The following PRELID2 variants were observed in gnomAD, a reference collection of about 807,000 sequenced individuals.
The protein encoded by PRELID2 is PRELI domain containing 2.
A neutral mutation model predicts 28.4 loss-of-function variants in PRELID2; 25 were observed. That is an observed-to-expected ratio of 0.88 (90% CI 0.64 to 1.23). PRELID2 has a LOEUF of 1.23. Ranked by LOEUF, PRELID2 falls within the 50% of genes most tolerant of loss-of-function variation. PRELID2 has a pLI of 0.00. For synonymous variants in PRELID2, 76 were observed against 71.6 expected (o/e 1.06, Z -0.31); for missense variants, 201 against 214.4 (o/e 0.94, Z 0.39).
At chr5:145,297,047 T>C in the PRELID2 span, among the ~76,000 whole-genome samples, 1 of 152,104 alleles carries the variant, frequency 6.6e-6, no homozygotes, top group Non-Finnish European at 1.5e-5. Flanking sequence ...TTGTTTGTTT[T>C]TTCCTTGTAA....
intron 1 of PRELID2, among the ~76,000 whole-genome samples, chr5:145,710,173 C>T (rs1439881160): frequency 1.3e-5 from 2 of 152,092 alleles, no homozygotes; most frequent in African/African-American, 2.4e-5. Flanking sequence ...AAGACACTGT[C>T]TACTTTGCTT....
intron 1 of PRELID2, among the ~76,000 whole-genome samples, chr5:145,597,973 A>C (rs13355336): frequency 2.0e-5 from 3 of 152,214 alleles, no homozygotes; most frequent in African/African-American, 7.2e-5. Context: ...TAGTAAACGT[A>C]AGATGCTATT....
chr5:145,342,363 C>A, the PRELID2 span, among the ~76,000 whole-genome samples: 1 of 152,128 alleles, frequency 6.6e-6, no homozygotes, highest in African/African-American at 2.4e-5. Flanking sequence ...AGAAAGGATT[C>A]AAATGATAAC....
intron 1 of PRELID2, among the ~76,000 whole-genome samples, chr5:145,829,851 A>G (rs1755464978): frequency 6.6e-6 from 1 of 152,216 alleles, no homozygotes; most frequent in East Asian, 1.9e-4. Flanking sequence ...AAACATTATT[A>G]ATTACCCAAT....
intron 1 of PRELID2, among the ~76,000 whole-genome samples, chr5:145,625,396 C>A (rs1253770793): frequency 6.6e-6 from 1 of 152,074 alleles, no homozygotes; most frequent in Non-Finnish European, 1.5e-5. Flanking sequence ...AATGAATGAA[C>A]TGTAGCTGTG....
At chr5:145,288,742 A>G in the PRELID2 span, among the ~76,000 whole-genome samples, 2 of 152,156 alleles carry the variant, frequency 1.3e-5, no homozygotes, top group South Asian at 2.1e-4. Context: ...GCACTATATT[A>G]ATCCAAACAT....
chr5:145,495,979 T>G (rs182586282), intron 1 of PRELID2, among the ~76,000 whole-genome samples: 1 of 152,188 alleles, frequency 6.6e-6, no homozygotes, highest in Non-Finnish European at 1.5e-5. Context: ...CTTTATATAA[T>G]GCTAAGTTCC....
chr5:145,453,817 T>C, the PRELID2 span, among the ~76,000 whole-genome samples: 3 of 152,232 alleles, frequency 2.0e-5, no homozygotes, highest in African/African-American at 7.2e-5. Context: ...GGCTGCATAG[T>C]ATTCCATGGT....
chr5:145,361,471 G>C, the PRELID2 span, among the ~76,000 whole-genome samples: 1 of 152,132 alleles, frequency 6.6e-6, no homozygotes, highest in Admixed American at 6.6e-5. Context: ...GCAGGAGCCA[G>C]ATGTCAGCAA....
intron 1 of PRELID2, among the ~76,000 whole-genome samples, chr5:145,577,355 A>G (rs1226742779): frequency 2.6e-5 from 4 of 152,172 alleles, no homozygotes; most frequent in Non-Finnish European, 4.4e-5. Context: ...AAACAATTCA[A>G]TGAAATGAAG....
the PRELID2 span, among the ~76,000 whole-genome samples, chr5:145,360,114 G>C: frequency 6.6e-6 from 1 of 152,124 alleles, no homozygotes; most frequent in Non-Finnish European, 1.5e-5. Context: ...CACTCCTGTG[G>C]GTCCTCCTCC....
the PRELID2 span, among the ~76,000 whole-genome samples, chr5:145,359,191 C>G: frequency 4.6e-5 from 7 of 152,158 alleles, no homozygotes; most frequent in Admixed American, 2.6e-4. Flanking sequence ...GACAAATGGG[C>G]TTTATTGCAA....
the PRELID2 span, among the ~76,000 whole-genome samples, chr5:145,412,909 C>T: frequency 3.2e-3 from 487 of 152,246 alleles, 4 homozygotes; most frequent in African/African-American, 0.011. Context: ...GGGCAAGCCA[C>T]TTATCCCCTT....
intron 1 of PRELID2, among the ~76,000 whole-genome samples, chr5:145,734,146 C>A (rs1019923): frequency 2.0e-5 from 3 of 151,700 alleles, no homozygotes; most frequent in African/African-American, 7.3e-5. Context: ...GATGGAGTCT[C>A]ACTCTGTCAC....
intron 1 of PRELID2, among the ~76,000 whole-genome samples, chr5:145,525,469 GGT>G (rs1357907804): frequency 6.6e-6 from 1 of 152,134 alleles, no homozygotes; most frequent in Non-Finnish European, 1.5e-5. Flanking sequence ...AGTCTTTGGT[GGT>G]TGATTCACCT....
intron 1 of PRELID2, among the ~76,000 whole-genome samples, chr5:145,697,970 T>C (rs912592548): frequency 1.3e-5 from 2 of 151,204 alleles, no homozygotes; most frequent in African/African-American, 4.9e-5. Flanking sequence ...AGAACTGTGA[T>C]TGTCCTAATG....
chr5:145,307,821 T>C, the PRELID2 span, among the ~76,000 whole-genome samples: 1 of 152,184 alleles, frequency 6.6e-6, no homozygotes, highest in African/African-American at 2.4e-5. Flanking sequence ...CAGAGGTCAT[T>C]TGCTTTTGTC....
the PRELID2 span, among the ~76,000 whole-genome samples, chr5:145,294,094 C>A: frequency 6.6e-6 from 1 of 152,164 alleles, no homozygotes; most frequent in African/African-American, 2.4e-5. Context: ...GTCCCAAGAG[C>A]ACATCTTTTT....
At chr5:145,772,047 T>C (rs1194351839) in intron 5 of PRELID2, among the ~76,000 whole-genome samples, 2 of 152,244 alleles carry the variant, frequency 1.3e-5, no homozygotes, top group Non-Finnish European at 2.9e-5. Flanking sequence ...TTTAATCTGA[T>C]GCTGTCTAAT....
Sources: gnomAD v4.1 joint callset for allele counts (sites outside exome capture counted in the v4.1 genomes callset) on GRCh38, gnomAD v4.1.1 for gene constraint, MANE v1.5 for transcripts, NCBI Gene and HGNC (gene_info 2026-07-23, HGNC 2026-07-21) for gene names.